SLC6A6: variants seen among roughly 807,000 people sequenced by gnomAD.
The protein encoded by SLC6A6 is sodium- and chloride-dependent taurine transporter.
Under a neutral mutation model 68.8 loss-of-function variants are expected in SLC6A6, and 16 were observed. That is an observed-to-expected ratio of 0.23 (90% CI 0.16 to 0.35). The LOEUF is 0.35. SLC6A6 is among the 10% of genes least tolerant of loss of function. The pLI is 1.00. For missense variants in SLC6A6, 474 were observed against 802.8 expected, an observed-to-expected ratio of 0.59 and a Z score of 4.95; for synonymous variants, 312 against 315.4, an observed-to-expected ratio of 0.99 and a Z score of 0.12.
intron 13 of SLC6A6, among the ~76,000 whole-genome samples, chr3:14,480,818 C>T (rs1451645829): frequency 1.3e-5 from 2 of 152,238 alleles, no homozygotes; most frequent in Non-Finnish European, 2.9e-5. Flanking sequence ...AGGTGCTCTT[C>T]TCACAGGGAA....
chr3:14,463,909 C>G (rs1405520779), intron 6 of SLC6A6, among the ~76,000 whole-genome samples: 1 of 152,210 alleles, frequency 6.6e-6, no homozygotes, highest in Non-Finnish European at 1.5e-5. Context: ...GAATGCTCAC[C>G]GCAGGCCAGG....
Position 14,485,159 on chromosome 3 carries a change from C to CGTGTGTGTGT in SLC6A6, c.*161_*170dup, listed in dbSNP as rs113673472. 1.7e-4 allele frequency: 77 copies of CGTGTGTGTGT among 463,864 alleles called. No individual in the cohort carries two copies. Among genetic ancestry groups the CGTGTGTGTGT allele is most frequent in the African/African-American group, 1.1e-3 (51 of 47,638 alleles). 28.7% of individuals were successfully genotyped at this position (463,864 alleles called of 1,614,324 possible). On this transcript the variant is annotated 3_prime_UTR_variant, in exon 15 of 15. Transcript: ENST00000622186. ...ATGTAATTGTGGGTATGTGTGCGTG[C>CGTGTGTGTGT]GTGTGTGTGTGTGTGTGTATCGTGT...
At chr3:14,428,649 T>TAC (rs1699654822) in intron 2 of SLC6A6, among the ~76,000 whole-genome samples, 1 of 152,132 alleles carries the variant, frequency 6.6e-6, no homozygotes, top group Non-Finnish European at 1.5e-5. Flanking sequence ...TGTGCAGGTG[T>TAC]GTGGGAGGGA....
chr3:14,436,432 G>A (rs73132932), intron 2 of SLC6A6, among the ~76,000 whole-genome samples: 2,992 of 151,856 alleles, frequency 0.02, 106 homozygotes, highest in African/African-American at 0.062. Flanking sequence ...TGGAACTCCT[G>A]GCCTCAAGCC....
chr3:14,444,767 T>C (rs1474220319), intron 3 of SLC6A6: 2 of 456,694 alleles, frequency 4.4e-6, no homozygotes, highest in Non-Finnish European at 8.8e-6. Context: ...CTGTGATGAG[T>C]GTCCTAGACG....
chr3:14,484,903 C>T lies in SLC6A6; in HGVS notation c.1759C>T (p.Arg587Cys), dbSNP rs1479735023. The change falls in exon 15 of 15, where the codon CGC becomes TGC. Residue 587 changes from arginine to cysteine, a missense_variant. Around this residue, in one of 2 missense-constraint regions of SLC6A6, gnomAD observed 194 missense variants for 269.8 expected, o/e 0.72. Coordinates refer to ENST00000622186, the MANE Select transcript of SLC6A6 (RefSeq NM_003043.6). The part of the protein sequence containing the change: ...KYLLTPREPN[R>C]WAVEREGATP... The stretch of plus-strand genomic sequence containing the variant: ...CCTGCTGACCCCAAGGGAACCCAAC[C>T]GCTGGGCTGTGGAGCGCGAGGGAGC... 7 of 1,612,232 alleles carry T rather than the reference C, an allele frequency of 4.3e-6. No homozygotes were observed. Among genetic ancestry groups the T allele is most frequent in the South Asian group, 3.3e-5 (3 of 90,986 alleles).
intron 2 of SLC6A6, among the ~76,000 whole-genome samples, chr3:14,417,004 C>A (rs1415047540): frequency 6.6e-6 from 1 of 152,206 alleles, no homozygotes; most frequent in African/African-American, 2.4e-5. Flanking sequence ...GCCGCCGTGC[C>A]CAGCTTATTT....
At chr3:14,448,907 C>G (rs1429978049) in intron 5 of SLC6A6, among the ~76,000 whole-genome samples, 1 of 152,268 alleles carries the variant, frequency 6.6e-6, no homozygotes, top group East Asian at 1.9e-4. Flanking sequence ...AGTGCAGCCC[C>G]TTGACCCTGG....
chr3:14,485,678 C>G lies in SLC6A6; in HGVS notation c.*671C>G, dbSNP rs1238213291. 1 of 152,624 alleles carries G rather than the reference C, an allele frequency of 6.6e-6. No individual in the cohort carries two copies. Among genetic ancestry groups the G allele is most frequent in the African/African-American group, 2.4e-5 (1 of 41,440 alleles). The allele number at this position is 152,624 out of a possible 1,614,324, so 9.5% of individuals were successfully genotyped here. On this transcript the variant is annotated 3_prime_UTR_variant, in exon 15 of 15. Transcript: ENST00000622186. Reference sequence around the variant, plus strand: ...GAACCAACCCTTCACATAAAGGAGACTGGCTGAAGCTGAATGAGGAGGCCC... The same window carrying G: ...GAACCAACCCTTCACATAAAGGAGAGTGGCTGAAGCTGAATGAGGAGGCCC...
In SLC6A6 at chr3:14,417,800, C is replaced by T. The variant is rs553239712; in HGVS notation, c.-12+1347C>T. 9.9e-5 allele frequency among the ~76,000 whole-genome samples: 15 copies of T among 151,552 alleles called. No individual in the cohort carries two copies. In the South Asian group the frequency reaches 3.1e-3, roughly 32 times the overall value. ...CCTAGCACAGTTATCTACCCCAGGA[C>T]ACTGATTTAACATTGACGTGATTCT... On this transcript the variant is annotated intron_variant, in intron 2 of 14. Transcript: ENST00000622186.
At chr3:14,414,438 G>T (rs1699319395) in intron 1 of SLC6A6, among the ~76,000 whole-genome samples, 1 of 152,170 alleles carries the variant, frequency 6.6e-6, no homozygotes, top group Admixed American at 6.5e-5. Context: ...GGCCTATGTG[G>T]GTCTCCTCCT....
At chr3:14,479,040 G>C in intron 12 of SLC6A6, 45 bp from the exon 13 acceptor site, 1 of 1,284,722 alleles carries the variant, frequency 7.8e-7, no homozygotes, top group South Asian at 1.2e-5. Context: ...GCTGCTGCTG[G>C]CCTTGAACGC....
chr3:14,477,926 A>G lies in SLC6A6; in HGVS notation c.1348-540A>G, dbSNP rs951095748. ...AGACGTGTCTAGCAAGAGGCAAGCC[A>G]GATGAGATAAAGATTGTACTAAGAA... On this transcript the variant is annotated intron_variant, in intron 11 of 14. Coordinates refer to ENST00000622186, the MANE Select transcript of SLC6A6 (RefSeq NM_003043.6). This position sits in a 1 kb window ranked among gnomAD's most constrained non-coding sequence, Gnocchi z 4.2. Among the ~76,000 whole-genome samples, 7 of 152,204 alleles carry G rather than the reference A, an allele frequency of 4.6e-5. 1 individual carries two copies. In the South Asian group the frequency reaches 1.4e-3, roughly 31 times the overall value.
chr3:14,406,252 A>G (rs928759116), intron 1 of SLC6A6, among the ~76,000 whole-genome samples: 7 of 152,196 alleles, frequency 4.6e-5, no homozygotes, highest in East Asian at 1.9e-4. Flanking sequence ...GGCTCAGGCA[A>G]TCTTCTCGCC....
rs1700680043 is a variant in SLC6A6, at chr3:14,468,614, C to T, written c.1096+402C>T. 6.6e-6 allele frequency among the ~76,000 whole-genome samples: 1 copy of T among 152,096 alleles called. No homozygotes were observed. The highest frequency in any genetic ancestry group is 1.9e-4 in the East Asian group (1 of 5,186). On this transcript the variant is annotated intron_variant, in intron 9 of 14. Coordinates refer to ENST00000622186, the MANE Select transcript of SLC6A6 (RefSeq NM_003043.6). This position sits in a 1 kb window ranked among gnomAD's most constrained non-coding sequence, Gnocchi z 4.5. ...TCTCAGCCTTGGTTTCTGTATTTTG[C>T]ACTTTGCTCCCAGCGTGCTCCCTCT...
At chr3:14,412,166 C>T (rs1473278085) in intron 1 of SLC6A6, among the ~76,000 whole-genome samples, 1 of 152,142 alleles carries the variant, frequency 6.6e-6, no homozygotes, top group Non-Finnish European at 1.5e-5. Context: ...CTGCGGGACT[C>T]CTTTAAGGAT....
In SLC6A6 at chr3:14,485,163, T is replaced by C. The variant is rs1422845785; in HGVS notation, c.*156T>C. 10 of 514,568 alleles carry C rather than the reference T, an allele frequency of 1.9e-5. No homozygotes were observed. The highest frequency in any genetic ancestry group is 3.4e-5 in the Non-Finnish European group (10 of 292,514). 31.9% of individuals were successfully genotyped at this position (514,568 alleles called of 1,614,324 possible). A position where few individuals can be genotyped will look rare whatever the true frequency, so the allele number is the denominator to read the frequency against. On this transcript the variant is annotated 3_prime_UTR_variant, in exon 15 of 15. Coordinates refer to ENST00000622186, the MANE Select transcript of SLC6A6 (RefSeq NM_003043.6). ...AATTGTGGGTATGTGTGCGTGCGTG[T>C]GTGTGTGTGTGTGTATCGTGTGTGT...
At position 14,443,837 on chromosome 3, in the gene SLC6A6, C is replaced by T. The variant is rs777479971; in HGVS notation, c.203C>T (p.Pro68Leu). 1 of 1,613,702 alleles carries T rather than the reference C, an allele frequency of 6.2e-7. No homozygotes were observed. Among genetic ancestry groups the T allele is most frequent in the Non-Finnish European group, 8.5e-7 (1 of 1,179,582 alleles). ...GGCTTGGGCAACGTCTGGCGCTTCCCGTACCTCTGCTACAAGAATGGTGGA... is the reference window on the plus strand; with the variant it reads ...GGCTTGGGCAACGTCTGGCGCTTCCTGTACCTCTGCTACAAGAATGGTGGA... The part of the protein sequence containing the change: ...FVGLGNVWRF[P>L]YLCYKNGGGA... The change falls in exon 3 of 15, where the codon CCG becomes CTG. Residue 68 changes from proline to leucine, a missense_variant. This residue lies in a region of SLC6A6 where 280 missense variants were observed against 533.1 expected (regional missense o/e 0.53). Transcript: ENST00000622186.
At chr3:14,444,739 T>G (rs1700072207) in intron 3 of SLC6A6, 1 of 456,588 alleles carries the variant, frequency 2.2e-6, no homozygotes, top group African/African-American at 2.0e-5. Context: ...CTTTTGTAGG[T>G]CTCAGGCCCC....
Sources: gnomAD v4.1 joint callset for allele counts (sites outside exome capture counted in the v4.1 genomes callset) on GRCh38, gnomAD v4.1.1 for gene constraint, gnomAD v4.1.1 regional missense constraint, Gnocchi (gnomAD v3.1) non-coding constraint, MANE v1.5 for transcripts, NCBI Gene and HGNC (gene_info 2026-07-23, HGNC 2026-07-21) for gene names.